Variants in APTX observed in about 807,000 individuals in gnomAD.
APTX encodes forkhead-associated domain histidine triad-like protein.
In APTX, 33 loss-of-function variants were observed where a neutral mutation model predicts 42.3. The ratio of observed to expected loss-of-function variants is 0.78; its 90% CI spans 0.59 to 1.04. APTX has a LOEUF of 1.04. Ranked by LOEUF, APTX falls within the 50% of genes least tolerant of loss-of-function variation. The pLI is 0.00. For missense variants in APTX, 421 were observed against 415.1 expected, an observed-to-expected ratio of 1.01 and a Z score of -0.12; for synonymous variants, 130 against 146.7, an observed-to-expected ratio of 0.89 and a Z score of 0.82.
chr9:32,999,619 A>G (rs191607391), intron 1 of APTX, among the ~76,000 whole-genome samples: 1 of 152,362 alleles, frequency 6.6e-6, no homozygotes, highest in Non-Finnish European at 1.5e-5. Flanking sequence ...TTAAAAGGGA[A>G]AGCAGAGGCA....
rs536970838 is a variant in APTX at position 33,020,034 on chromosome 9, C to T, written c.-5+4989G>A. Reference sequence around the variant, plus strand: ...CGTGCGGTGGGGGAGCTCCGCTGGCCGGAGCTGCCGGGGTGTCCGCGCCCC... The same window carrying T: ...CGTGCGGTGGGGGAGCTCCGCTGGCTGGAGCTGCCGGGGTGTCCGCGCCCC... On this transcript the variant is annotated intron_variant, in intron 1 of 6. Coordinates refer to the APTX transcript ENST00000436040. 128 of 398,372 alleles carry T rather than the reference C, an allele frequency of 3.2e-4. 1 individual carries two copies. The highest frequency in any genetic ancestry group is 8.9e-4 in the Admixed American group (20 of 22,404). The allele number at this position is 398,372 out of a possible 1,614,324, so 24.7% of individuals were successfully genotyped here.
chr9:33,015,383 G>C (rs770738899), intron 1 of APTX, among the ~76,000 whole-genome samples: 2 of 151,882 alleles, frequency 1.3e-5, no homozygotes, highest in African/African-American at 2.4e-5. Flanking sequence ...TTTTTGAGAC[G>C]GAGCCTCACT....
chr9:33,016,979 G>A lies in APTX; in HGVS notation c.-5+8044C>T, dbSNP rs183701368. On this transcript the variant is annotated intron_variant, in intron 1 of 6. Coordinates refer to the APTX transcript ENST00000436040. ...ACCAGGCAGTGTTCTAGATGCTTGC[G>A]ATATATTATAAAACAAAACAGACAA... 1.1e-3 allele frequency among the ~76,000 whole-genome samples: 166 copies of A among 152,242 alleles called. 2 individuals are homozygous for A. Among genetic ancestry groups the A allele is most frequent in the African/African-American group, 3.8e-3 (158 of 41,546 alleles).
At chr9:32,989,975 C>G in intron 1 of APTX, 80 bp from the exon 2 acceptor site, 1 of 1,526,230 alleles carries the variant, frequency 6.6e-7, no homozygotes, top group Non-Finnish European at 8.9e-7. Context: ...GGTGCCACCA[C>G]GCATGTGATC....
intron 6 of APTX, 106 bp from the exon 7 acceptor site, chr9:32,974,667 CTT>C (rs1308032510): frequency 8.6e-6 from 6 of 699,116 alleles, no homozygotes; most frequent in Non-Finnish European, 5.2e-6. Context: ...ATTGAATACT[CTT>C]TGAATATTCA....
At chr9:33,019,819 G>A in intron 1 of APTX, 1 of 640,236 alleles carries the variant, frequency 1.6e-6, no homozygotes, top group Non-Finnish European at 2.7e-6. Flanking sequence ...TCCAGCGGAC[G>A]GCCAGGATCC....
chr9:32,974,372 G>T (rs1424848244), intron 7 of APTX, 86 bp downstream of exon 7: 1 of 907,070 alleles, frequency 1.1e-6, no homozygotes, highest in East Asian at 2.5e-5. Context: ...TTTGAGGTCA[G>T]ACTGTTATTC....
chr9:32,985,326 G>GTTTTTTTT (rs5897530), intron 5 of APTX, among the ~76,000 whole-genome samples: 2 of 103,078 alleles, frequency 1.9e-5, no homozygotes, highest in Non-Finnish European at 3.8e-5. Flanking sequence ...GATGATGCCT[G>GTTTTTTTT]TTTTTTTTTT....
At chr9:33,000,638 A>G (rs1211346969) in intron 1 of APTX, among the ~76,000 whole-genome samples, 2 of 149,564 alleles carry the variant, frequency 1.3e-5, no homozygotes, top group Non-Finnish European at 1.5e-5. Flanking sequence ...AAAAAAAAAA[A>G]AAAAAAAAAG....
At position 32,973,471 on chromosome 9, in the gene APTX, C is replaced by A. The variant is rs556417499; in HGVS notation, c.*27G>T. 1.9e-6 allele frequency: 3 copies of A among 1,613,316 alleles called. No homozygotes were observed. In the South Asian group the frequency reaches 3.3e-5, roughly 18 times the overall value. ...AGCAGTTTGCTCCAGTGGGCCACAC[C>A]ACAGCAGCAGCTCAGGCTCTGCAGA... On this transcript the variant is annotated 3_prime_UTR_variant, in exon 8 of 8. Coordinates refer to ENST00000379817, the MANE Select transcript of APTX (RefSeq NM_001195248.2).
rs1831990549 is a variant in APTX at position 32,986,050 on chromosome 9, AAAAAC to A, written c.484-25_484-21del. ...GGATTCCTAAAAAAAAAACAAAAAA[AAAAAC>A]AAAAAAAAAAAAAAACAAGCAATGT... On this transcript the variant is annotated intron_variant, in intron 4 of 7. Transcript: ENST00000379817. 1.1e-5 allele frequency: 7 copies of A among 664,274 alleles called. No individual in the cohort carries two copies. The highest frequency in any genetic ancestry group is 7.9e-5 in the African/African-American group (3 of 37,830). 41.1% of individuals were successfully genotyped at this position (664,274 alleles called of 1,614,324 possible). A position where few individuals can be genotyped will look rare whatever the true frequency, so the allele number is the denominator to read the frequency against.
intron 1 of APTX, among the ~76,000 whole-genome samples, chr9:33,018,396 C>T (rs1431347568): frequency 2.6e-5 from 4 of 151,482 alleles, no homozygotes; most frequent in East Asian, 2.0e-4. Context: ...GGTGAAACCC[C>T]GTCTCTACTA....
rs765961138 is a variant in APTX at position 32,984,721 on chromosome 9, A to G, written c.680T>C (p.Met227Thr). The G allele has an allele frequency of 7.4e-6, 12 of 1,614,088 alleles. No homozygotes were observed. The highest frequency in any genetic ancestry group is 1.3e-5 in the African/African-American group (1 of 74,924). Residue 227 changes from methionine to threonine, a missense_variant, in exon 6 of 8, where the codon ATG becomes ACG. Met to Thr is a moderately conservative substitution (Grantham distance 81). Transcript: ENST00000379817. ...AATCACCTTTTCCCCCACAGTGTGC[A>G]TATGCTTAAGGAGTTCAAGGTGTTC... ...AREHLELLKHMHTVGEKVIVD... is the reference protein window; with the variant it reads ...AREHLELLKHTHTVGEKVIVD...
chr9:32,973,302 A>G lies in APTX; in HGVS notation c.*196T>C. 1.4e-6 allele frequency: 1 copy of G among 707,304 alleles called. No individual in the cohort carries two copies. The highest frequency in any genetic ancestry group is 1.5e-5 in the South Asian group (1 of 67,230). 43.8% of individuals were successfully genotyped at this position (707,304 alleles called of 1,614,324 possible). On this transcript the variant is annotated 3_prime_UTR_variant, in exon 8 of 8. Coordinates refer to ENST00000379817, the MANE Select transcript of APTX (RefSeq NM_001195248.2). ...GCCACCCTCACCAGAGAATACATCT[A>G]TGACAAACCCAAATTCCTAATCCTG...
rs953862107 is a variant in APTX, at chr9:32,973,464, G to C, written c.*34C>G. The C allele has an allele frequency of 3.1e-6, 5 of 1,611,204 alleles. No individual in the cohort carries two copies. The African/African-American group carries it at 6.7e-5, about 22-fold the overall frequency. On this transcript the variant is annotated 3_prime_UTR_variant, in exon 8 of 8. Transcript: ENST00000379817. ...AGGTGCCAGCAGTTTGCTCCAGTGG[G>C]CCACACCACAGCAGCAGCTCAGGCT... is the stretch of plus-strand genomic sequence containing the variant.
At chr9:32,983,618 AT>A (rs1386884716) in intron 6 of APTX, among the ~76,000 whole-genome samples, 1 of 152,216 alleles carries the variant, frequency 6.6e-6, no homozygotes, top group Non-Finnish European at 1.5e-5. Context: ...ATTCACCTAA[AT>A]AAAATGTGAG....
At chr9:33,013,563 T>G (rs1323402253) in intron 1 of APTX, among the ~76,000 whole-genome samples, 1 of 152,080 alleles carries the variant, frequency 6.6e-6, no homozygotes, top group Non-Finnish European at 1.5e-5. Flanking sequence ...TCCCAGCACT[T>G]TGGGAGGCCA....
intron 1 of APTX, among the ~76,000 whole-genome samples, chr9:33,018,900 T>A: frequency 6.6e-6 from 1 of 152,030 alleles, no homozygotes; most frequent in Admixed American, 6.6e-5. Flanking sequence ...TATGTACTCC[T>A]CAAAACTGTC....
intron 1 of APTX, among the ~76,000 whole-genome samples, chr9:33,007,443 C>T (rs141688309): frequency 6.3e-4 from 96 of 152,280 alleles, no homozygotes; most frequent in Non-Finnish European, 1.3e-3. Flanking sequence ...AAGTGGAAAG[C>T]AGTTAGCAGT....
Sources: gnomAD v4.1 joint callset for allele counts (sites outside exome capture counted in the v4.1 genomes callset) on GRCh38, gnomAD v4.1.1 for gene constraint, MANE v1.5 for transcripts, NCBI Gene and HGNC (gene_info 2026-07-23, HGNC 2026-07-21) for gene names.